Variants in CLMP observed in about 807,000 individuals in gnomAD.
CLMP encodes CXADR-like membrane protein.
CLMP carries 27 observed loss-of-function variants against 45.2 expected under a neutral mutation model. The ratio of observed to expected loss-of-function variants is 0.60; its 90% CI spans 0.44 to 0.82. The LOEUF (loss-of-function observed/expected upper bound fraction) is 0.82. Among genes scored for constraint, CLMP ranks in the 40% least tolerant of loss-of-function variants. The pLI, the probability that CLMP is intolerant of heterozygous loss-of-function variation, is 0.00. For missense variants in CLMP, 403 were observed against 448.4 expected (o/e 0.90, Z 0.91); for synonymous variants, 167 against 171.4 (o/e 0.97, Z 0.20).
At chr11:123,083,387 C>A (rs547332769) in intron 4 of CLMP, among the ~76,000 whole-genome samples, 180 bp from the exon 5 acceptor site, 1 of 152,170 alleles carries the variant, frequency 6.6e-6, no homozygotes, top group African/African-American at 2.4e-5. Context: ...AGTTGTAGCA[C>A]ATCCTCAAAA....
At chr11:123,111,609 A>G (rs965361895) in intron 1 of CLMP, among the ~76,000 whole-genome samples, 1 of 152,180 alleles carries the variant, frequency 6.6e-6, no homozygotes, top group Non-Finnish European at 1.5e-5. Flanking sequence ...AGGATTAGCC[A>G]GGCCTCACCT....
intron 1 of CLMP, among the ~76,000 whole-genome samples, chr11:123,109,700 C>A (rs1360910649): frequency 6.6e-6 from 1 of 152,130 alleles, no homozygotes; most frequent in Non-Finnish European, 1.5e-5. Context: ...AGACACAAGT[C>A]CAGGGTGGGA....
chr11:123,110,698 G>C (rs1860626271), intron 1 of CLMP, among the ~76,000 whole-genome samples: 1 of 152,178 alleles, frequency 6.6e-6, no homozygotes, highest in South Asian at 2.1e-4. Flanking sequence ...CGGATATTGA[G>C]CATCTACTTC....
intron 1 of CLMP, among the ~76,000 whole-genome samples, chr11:123,147,711 G>T (rs534151046): frequency 6.6e-6 from 1 of 152,212 alleles, no homozygotes; most frequent in African/African-American, 2.4e-5. Context: ...TGCATCTTCA[G>T]CATCTTGTGC....
chr11:123,152,563 T>TAAATAAATAAAA (rs1199205471), intron 1 of CLMP, among the ~76,000 whole-genome samples: 9 of 150,062 alleles, frequency 6.0e-5, no homozygotes, highest in African/African-American at 1.7e-4. Context: ...AATAAATAAA[T>TAAATAAATAAAA]AAAAAATAAA....
intron 2 of CLMP, among the ~76,000 whole-genome samples, chr11:123,090,711 C>T (rs914902568): frequency 1.3e-5 from 2 of 152,100 alleles, no homozygotes; most frequent in African/African-American, 4.8e-5. Flanking sequence ...CAGCCCAATA[C>T]GCAAAGAATA....
chr11:123,139,189 T>C (rs1487020470), intron 1 of CLMP, among the ~76,000 whole-genome samples: 1 of 151,926 alleles, frequency 6.6e-6, no homozygotes, highest in Non-Finnish European at 1.5e-5. Context: ...TCTGCGGTCC[T>C]TTGCAGAAAA....
At chr11:123,187,887 C>T (rs1861854651) in intron 1 of CLMP, among the ~76,000 whole-genome samples, 1 of 152,140 alleles carries the variant, frequency 6.6e-6, no homozygotes. Context: ...GATCCATCAA[C>T]CCACCAACTG....
intron 1 of CLMP, chr11:123,191,539 T>C (rs1056713522): frequency 1.3e-5 from 2 of 152,232 alleles, no homozygotes; most frequent in Non-Finnish European, 2.9e-5. Flanking sequence ...ACACACGATA[T>C]ACAAAATAAA....
intron 1 of CLMP, among the ~76,000 whole-genome samples, chr11:123,126,278 A>G (rs547355662): frequency 3.3e-5 from 5 of 152,320 alleles, no homozygotes; most frequent in African/African-American, 4.8e-5. Context: ...TTGTATTTAC[A>G]CAGTGCTTGT....
intron 1 of CLMP, among the ~76,000 whole-genome samples, chr11:123,183,209 G>C (rs1861791856): frequency 6.6e-6 from 1 of 152,112 alleles, no homozygotes; most frequent in African/African-American, 2.4e-5. Flanking sequence ...AACCACTGCT[G>C]CTAGTCTGAG....
chr11:123,083,620 A>G (rs1337559890), intron 4 of CLMP, 60 bp downstream of exon 4: 4 of 1,547,760 alleles, frequency 2.6e-6, no homozygotes, highest in Non-Finnish European at 3.6e-6. Context: ...AAGCTGATTT[A>G]GAGCTCACGG....
intron 1 of CLMP, among the ~76,000 whole-genome samples, chr11:123,167,945 C>A (rs1404083103): frequency 6.8e-6 from 1 of 147,396 alleles, no homozygotes; most frequent in Non-Finnish European, 1.5e-5. Context: ...TCTTATCAAG[C>A]CCAGGAAGGA....
At chr11:123,158,837 A>G (rs10400356) in intron 1 of CLMP, among the ~76,000 whole-genome samples, 15,159 of 152,270 alleles carry the variant, frequency 0.1, 994 homozygotes, top group South Asian at 0.19. Context: ...TGCTAGTGAT[A>G]CACAGCACAC....
At chr11:123,136,229 TG>T in intron 1 of CLMP, 1 of 649,288 alleles carries the variant, frequency 1.5e-6, no homozygotes, top group Non-Finnish European at 3.0e-6. Flanking sequence ...CATTACAATC[TG>T]GGTAGCTACT....
At chr11:123,157,722 CAAAAAAAAAAA>C (rs869197042) in intron 1 of CLMP, among the ~76,000 whole-genome samples, 1 of 71,190 alleles carries the variant, frequency 1.4e-5, no homozygotes, top group Admixed American at 1.7e-4. Context: ...GAGTGAAACT[CAAAAAAAAAAA>C]AAAAAAAAAA....
chr11:123,074,977 C>G (rs558294150), intron 5 of CLMP, 134 bp from the exon 6 acceptor site: 1 of 983,822 alleles, frequency 1.0e-6, no homozygotes, highest in East Asian at 2.8e-5. Context: ...TTTTTTGAGA[C>G]GGAGTTTCAC....
At position 123,174,497 on chromosome 11, in the gene CLMP, T is replaced by A. The variant is rs11219042; in HGVS notation, c.28+20416A>T. Among the ~76,000 whole-genome samples the A allele has an allele frequency of 7.2e-5, 11 of 152,006 alleles. No individual in the cohort carries two copies. In the East Asian group the frequency reaches 1.2e-3, roughly 16 times the overall value. Reference sequence around the variant, plus strand: ...CTCCCAAAATATAATATTTCATATCTAGGCCTGACATTGGGTCTCCTTGAG... The same window carrying A: ...CTCCCAAAATATAATATTTCATATCAAGGCCTGACATTGGGTCTCCTTGAG... On this transcript the variant is annotated intron_variant, in intron 1 of 6. Coordinates refer to ENST00000448775, the MANE Select transcript of CLMP (RefSeq NM_024769.5).
chr11:123,170,873 C>A (rs1487475894), intron 1 of CLMP, among the ~76,000 whole-genome samples: 1 of 152,210 alleles, frequency 6.6e-6, no homozygotes, highest in African/African-American at 2.4e-5. Context: ...TTTATCTGTT[C>A]ATCACGGGGC....
Sources: allele counts gnomAD v4.1 joint callset (sites outside exome capture counted in the v4.1 genomes callset), GRCh38; gene constraint gnomAD v4.1.1; transcripts MANE v1.5; gene names NCBI Gene and HGNC (gene_info 2026-07-23, HGNC 2026-07-21).